C16orf96: variants seen among roughly 807,000 people sequenced by gnomAD.
C16orf96 encodes the protein chromosome 16 open reading frame 96.
In C16orf96, 108 loss-of-function variants were observed where a neutral mutation model predicts 103.6. That is an observed-to-expected ratio of 1.04 (90% CI 0.89 to 1.22). C16orf96 has a LOEUF of 1.22. C16orf96 is among the 50% of genes most tolerant of loss of function. The pLI is 0.00. For synonymous variants in C16orf96, 566 were observed against 593.5 expected (o/e 0.95, Z 0.67); for missense variants, 1,586 against 1,464.2 (o/e 1.08, Z -1.36).
chr16:4,575,844 A>G lies in C16orf96; in HGVS notation c.1364A>G (p.Gln455Arg), dbSNP rs754312782. 3 of 1,551,290 alleles carry G rather than the reference A, an allele frequency of 1.9e-6. No homozygotes were observed. Among genetic ancestry groups the G allele is most frequent in the East Asian group, 2.4e-5 (1 of 40,906 alleles). The stretch of plus-strand genomic sequence containing the variant: ...GAAGCCCTCCAGCTCGCAGCTGTCC[A>G]AGTAAAGGGGGAGGAAAATGATGTC... ...QGEALQLAAVQVKGEENDVPS... is the reference protein window; with the variant it reads ...QGEALQLAAVRVKGEENDVPS... Residue 455 changes from glutamine (Q) to arginine (R), a missense_variant, in exon 5 of 16, where the codon CAA becomes CGA. Transcript: ENST00000444310.
chr16:4,587,798 T>C (rs1159950863), intron 8 of C16orf96, among the ~76,000 whole-genome samples: 1 of 151,916 alleles, frequency 6.6e-6, no homozygotes, highest in Non-Finnish European at 1.5e-5. Context: ...GAACTGGGCA[T>C]GATGGAACAT....
At position 4,576,223 on chromosome 16, in the gene C16orf96, C is replaced by T. The variant is rs1228565909; in HGVS notation, c.1743C>T (p.Ala581=). The change falls in exon 5 of 16, where the codon GCC becomes GCT. Residue 581 remains alanine, a synonymous_variant. Coordinates refer to ENST00000444310, the MANE Select transcript of C16orf96 (RefSeq NM_001145011.2). ...CTGCCGCCGCAGCCTACGCCGCTGC[C>T]ACATCCTCCGCTGCCCAGGCAGCCA... ...AAAAAAAYAA[A]TSSAAQAAKV... is the part of the protein sequence containing the mutation. The T allele has an allele frequency of 3.2e-6, 5 of 1,550,680 alleles. No homozygotes were observed. The highest frequency in any genetic ancestry group is 4.4e-6 in the Non-Finnish European group (5 of 1,146,980).
intron 3 of C16orf96, 56 bp downstream of exon 3, chr16:4,574,845 G>C: frequency 6.5e-7 from 1 of 1,535,210 alleles, no homozygotes; most frequent in Non-Finnish European, 8.8e-7. Context: ...CCAACCTCCC[G>C]GGTCCTGGGT....
intron 10 of C16orf96, 73 bp from the exon 11 acceptor site, chr16:4,592,232 C>A (rs553050724): frequency 6.5e-7 from 1 of 1,539,352 alleles, no homozygotes; most frequent in East Asian, 2.4e-5. Context: ...CCCTGGGGCT[C>A]TGGCTGGCTG....
At position 4,575,988 on chromosome 16, in the gene C16orf96, C is replaced by G. The variant is rs1157426945; in HGVS notation, c.1508C>G (p.Ala503Gly). Residue 503 changes from alanine (A) to glycine (G), a missense_variant, in exon 5 of 16, where the codon GCT (alanine) becomes GGT (glycine). Transcript: ENST00000444310. The part of the protein sequence containing the change: ...GGKDVDPKDR[A>G]HKDDVPKDRG... ...AAGGATGTGGACCCCAAGGATAGAG[C>G]TCACAAGGATGATGTCCCCAAAGAT... The G allele has an allele frequency of 1.3e-6, 2 of 1,550,044 alleles. No individual in the cohort carries two copies.
chr16:4,549,785 A>C, the C16orf96 span, among the ~76,000 whole-genome samples: 1 of 152,100 alleles, frequency 6.6e-6, no homozygotes, highest in Non-Finnish European at 1.5e-5. Context: ...TCTCAAAAAA[A>C]TAAAACAAAA....
intron 1 of C16orf96, among the ~76,000 whole-genome samples, chr16:4,557,459 A>G (rs1251990575): frequency 4.6e-5 from 7 of 152,196 alleles, no homozygotes; most frequent in Non-Finnish European, 1.5e-5. Flanking sequence ...TGTCCAGAAT[A>G]GGTAAATCCA....
chr16:4,587,020 C>G lies in C16orf96; in HGVS notation c.2353-19C>G, dbSNP rs1240783319. On this transcript the variant is annotated intron_variant, in intron 7 of 15. Transcript: ENST00000444310. ...AAGGCTCTCCAGGATGGCAGACATGCCTGTGCTTCTGTTCTTAGACTCTCC... is the reference window on the plus strand; with the variant it reads ...AAGGCTCTCCAGGATGGCAGACATGGCTGTGCTTCTGTTCTTAGACTCTCC... 1.9e-6 allele frequency: 3 copies of G among 1,549,452 alleles called. No individual in the cohort carries two copies. Among genetic ancestry groups the G allele is most frequent in the African/African-American group, 2.7e-5 (2 of 72,978 alleles).
At position 4,556,519 on chromosome 16, in the gene C16orf96, G is replaced by A. The variant is rs2059263674; in HGVS notation, c.30G>A (p.Leu10=). The A allele has an allele frequency of 1.3e-6, 2 of 1,538,988 alleles. No individual in the cohort carries two copies. The highest frequency in any genetic ancestry group is 1.8e-6 in the Non-Finnish European group (2 of 1,137,184). MSFSLTFTE[L]ANIAIPQCGV... ...GCTTCTCACTCACGTTCACCGAGCT[G>A]GCCAACATCGCCATCCCACAGTGCG... Residue 10 remains leucine, a synonymous_variant, in exon 1 of 16, where the codon CTG becomes CTA. Coordinates refer to ENST00000444310, the MANE Select transcript of C16orf96 (RefSeq NM_001145011.2).
intron 15 of C16orf96, among the ~76,000 whole-genome samples, chr16:4,599,817 C>T (rs1897247161): frequency 6.6e-6 from 1 of 152,238 alleles, no homozygotes; most frequent in Non-Finnish European, 1.5e-5. Flanking sequence ...AGCTAGTGAG[C>T]TGGGAGCTGA....
At chr16:4,546,574 C>T in the C16orf96 span, among the ~76,000 whole-genome samples, 199 of 151,420 alleles carry the variant, frequency 1.3e-3, no homozygotes, top group Admixed American at 0.012. Flanking sequence ...AAGCGATCCT[C>T]TTGCCTCAGC....
At chr16:4,573,575 A>G (rs1169395618) in intron 2 of C16orf96, among the ~76,000 whole-genome samples, 1 of 150,852 alleles carries the variant, frequency 6.6e-6, no homozygotes, top group Admixed American at 6.6e-5. Flanking sequence ...ACACGGTGAA[A>G]CCCCATCTCT....
chr16:4,600,390 C>G lies in C16orf96; in HGVS notation c.*73C>G, dbSNP rs1345052333. On this transcript the variant is annotated 3_prime_UTR_variant, in exon 16 of 16. Coordinates refer to ENST00000444310, the MANE Select transcript of C16orf96 (RefSeq NM_001145011.2). ...GGCTGAGGCCCATGTGGCCCTCCCA[C>G]TCCCACCAAGTCCCCTCCACATCGG... is the stretch of plus-strand genomic sequence containing the variant. The G allele has an allele frequency of 8.9e-7, 1 of 1,128,414 alleles. No individual in the cohort carries two copies. The highest frequency in any genetic ancestry group is 1.3e-6 in the Non-Finnish European group (1 of 782,768). 69.9% of individuals were successfully genotyped at this position (1,128,414 alleles called of 1,614,324 possible).
chr16:4,548,657 G>A, the C16orf96 span, among the ~76,000 whole-genome samples: 2 of 152,168 alleles, frequency 1.3e-5, no homozygotes, highest in African/African-American at 4.8e-5. Context: ...TGGATCACCT[G>A]AGGTCAGGAG....
At chr16:4,588,008 C>A (rs533668371) in intron 8 of C16orf96, among the ~76,000 whole-genome samples, 159 bp from the exon 9 acceptor site, 1 of 152,154 alleles carries the variant, frequency 6.6e-6, no homozygotes, top group Non-Finnish European at 1.5e-5. Context: ...ATCTCGAGAT[C>A]GTGTTTGAAT....
chr16:4,580,574 C>T (rs922547962), intron 7 of C16orf96, among the ~76,000 whole-genome samples: 9 of 152,006 alleles, frequency 5.9e-5, no homozygotes, highest in Admixed American at 1.3e-4. Context: ...AGGCTGGGTG[C>T]GGTGGCTCAC....
chr16:4,594,671 G>T, intron 13 of C16orf96, 33 bp from the exon 14 acceptor site: 1 of 1,548,786 alleles, frequency 6.5e-7, no homozygotes, highest in Non-Finnish European at 8.7e-7. Flanking sequence ...CGGGTCGGGG[G>T]CTCCCTAACC....
chr16:4,588,112 C>T, intron 8 of C16orf96, 55 bp from the exon 9 acceptor site: 2 of 1,520,550 alleles, frequency 1.3e-6, no homozygotes, highest in Non-Finnish European at 8.9e-7. Context: ...TGTCTCCCAG[C>T]TTTGCCTTCC....
intron 14 of C16orf96, among the ~76,000 whole-genome samples, chr16:4,596,349 G>C (rs759858727): frequency 6.6e-5 from 10 of 152,160 alleles, no homozygotes; most frequent in Non-Finnish European, 1.5e-4. Context: ...GCCAGCCATG[G>C]TGACACACGC....
Sources: allele counts gnomAD v4.1 joint callset (sites outside exome capture counted in the v4.1 genomes callset), GRCh38; gene constraint gnomAD v4.1.1; transcripts MANE v1.5; gene names NCBI Gene and HGNC (gene_info 2026-07-23, HGNC 2026-07-21).